The following ADK variants were observed in gnomAD, a reference collection of about 807,000 sequenced individuals.
ADK encodes adenosine kinase.
A neutral mutation model predicts 44.7 loss-of-function variants in ADK; 24 were observed. That is an observed-to-expected ratio of 0.54 (90% CI 0.39 to 0.76). The LOEUF (loss-of-function observed/expected upper bound fraction) is 0.76, where lower values mean the gene tolerates loss of function less well. ADK is among the 30% of genes least tolerant of loss of function. ADK has a pLI of 0.00. For missense variants in ADK, 321 were observed against 425.1 expected (o/e 0.76, Z 2.15); for synonymous variants, 128 against 142.6 (o/e 0.90, Z 0.73).
chr10:74,622,709 G>A (rs984337946), intron 9 of ADK, among the ~76,000 whole-genome samples: 1 of 152,082 alleles, frequency 6.6e-6, no homozygotes, highest in Non-Finnish European at 1.5e-5. Flanking sequence ...AAAGCAGCTA[G>A]ATTAGAACCC....
chr10:74,551,623 G>C (rs1259569340), intron 7 of ADK: 1 of 152,132 alleles, frequency 6.6e-6, no homozygotes, highest in African/African-American at 2.4e-5. Context: ...TCAGCACAGA[G>C]GACTAGTGGA....
At chr10:74,211,001 CAGTCTCCTG>C (rs1486377351) in intron 2 of ADK, among the ~76,000 whole-genome samples, 7 of 152,130 alleles carry the variant, frequency 4.6e-5, no homozygotes, top group African/African-American at 1.7e-4. Flanking sequence ...TCTTATGCCT[CAGTCTCCTG>C]AGTAGCTGAG....
rs143402389 is a variant in ADK, at chr10:74,358,315, A to G, written c.274-35826A>G. On this transcript the variant is annotated intron_variant, in intron 4 of 10. Transcript: ENST00000539909. ...TAACCTTGTGGAACTTTTAAGGGAA[A>G]TGCATTAACTTAGCATTAATATAGA... Among the ~76,000 whole-genome samples the G allele has an allele frequency of 5.2e-3, 792 of 152,358 alleles. 5 individuals are homozygous for G. The highest frequency in any genetic ancestry group is 0.018 in the African/African-American group (748 of 41,592).
intron 3 of ADK, among the ~76,000 whole-genome samples, chr10:74,296,523 T>G (rs191243876): frequency 1.8e-4 from 28 of 152,264 alleles, no homozygotes; most frequent in African/African-American, 6.0e-4. Flanking sequence ...AATAGGCGCT[T>G]TCATAAGCTA....
chr10:74,586,613 G>C (rs1179772718), intron 7 of ADK, among the ~76,000 whole-genome samples: 2 of 152,026 alleles, frequency 1.3e-5, no homozygotes, highest in African/African-American at 2.4e-5. Context: ...CAGAACTTTG[G>C]AAGGCCAAGG....
chr10:74,188,644 G>T (rs558764697), intron 1 of ADK, among the ~76,000 whole-genome samples: 1 of 151,950 alleles, frequency 6.6e-6, no homozygotes, highest in African/African-American at 2.4e-5. Context: ...GAGCCACTGC[G>T]CCCGGCCACC....
intron 1 of ADK, among the ~76,000 whole-genome samples, chr10:74,161,510 A>G (rs1839061995): frequency 6.6e-6 from 1 of 151,660 alleles, no homozygotes. Flanking sequence ...CGCCTGGCCT[A>G]TTTATTTTAA....
chr10:74,394,684 CGAGAGAGA>C (rs368668478), intron 5 of ADK, among the ~76,000 whole-genome samples: 1 of 151,648 alleles, frequency 6.6e-6, no homozygotes, highest in South Asian at 2.1e-4. Context: ...GGTTGGAATA[CGAGAGAGA>C]GAGACAGAGA....
rs530463752 is a variant in ADK, at chr10:74,151,245, G to T, written c.-34G>T. On this transcript the variant is annotated 5_prime_UTR_variant, in exon 1 of 11. Transcript: ENST00000539909. The stretch of plus-strand genomic sequence containing the variant: ...GACCAGAGAGTGGATGGCAGAGGTG[G>T]GCTGTAGAGCCAAAGTGGGGTGGGA... 59 of 1,549,336 alleles carry T rather than the reference G, an allele frequency of 3.8e-5. 1 individual carries two copies. The East Asian group carries it at 6.1e-4, about 16-fold the overall frequency.
intron 6 of ADK, among the ~76,000 whole-genome samples, chr10:74,400,944 G>T (rs1843684955): frequency 6.6e-6 from 1 of 152,060 alleles, no homozygotes; most frequent in Admixed American, 6.5e-5. Flanking sequence ...GTTCACACTG[G>T]AAACCTTCCT....
intron 6 of ADK, among the ~76,000 whole-genome samples, chr10:74,459,727 C>CAAA (rs986375076): frequency 3.6e-3 from 134 of 37,728 alleles, no homozygotes; most frequent in Middle Eastern, 0.013. Context: ...GACTCCATCT[C>CAAA]AAAAAAAAAA....
Position 74,307,590 on chromosome 10 carries a change from G to A in ADK, c.195-7077G>A, listed in dbSNP as rs535012315. Among the ~76,000 whole-genome samples the A allele has an allele frequency of 7.9e-5, 12 of 152,232 alleles. No individual in the cohort carries two copies. The South Asian group carries it at 1.0e-3, about 13-fold the overall frequency. On this transcript the variant is annotated intron_variant, in intron 3 of 10. Transcript: ENST00000539909. ...GATGCAGTATATGCTACCCAGAATC[G>A]GAAGTTCCATATATTATGTTTTGAT...
intron 10 of ADK, among the ~76,000 whole-genome samples, chr10:74,698,483 G>A (rs542592754): frequency 6.6e-6 from 1 of 152,322 alleles, no homozygotes; most frequent in Admixed American, 6.5e-5. Context: ...TTCAAAGTCA[G>A]TTATTTAATA....
chr10:74,334,036 G>A (rs929733705), intron 4 of ADK, among the ~76,000 whole-genome samples: 2 of 151,958 alleles, frequency 1.3e-5, no homozygotes, highest in Non-Finnish European at 2.9e-5. Flanking sequence ...ATACAAAAAA[G>A]TGATCTTTGT....
chr10:74,555,573 T>C lies in ADK; in HGVS notation c.726+30147T>C, dbSNP rs187670481. Among the ~76,000 whole-genome samples, 14 of 150,596 alleles carry C rather than the reference T, an allele frequency of 9.3e-5. No homozygotes were observed. In the East Asian group the frequency reaches 2.7e-3, roughly 29 times the overall value. ...CTGCAGTGATCTATGATCATCCCAT[T>C]GCACTCTAGCCTGGGATACAGAGCA... On this transcript the variant is annotated intron_variant, in intron 7 of 10. Coordinates refer to ENST00000539909, the MANE Select transcript of ADK (RefSeq NM_006721.4).
chr10:74,666,936 T>C (rs1293616229), intron 9 of ADK, among the ~76,000 whole-genome samples: 6 of 151,762 alleles, frequency 4.0e-5, no homozygotes, highest in Non-Finnish European at 8.8e-5. Context: ...ATTCAAGTGA[T>C]TCTCGTGCCT....
intron 7 of ADK, among the ~76,000 whole-genome samples, chr10:74,531,033 C>A (rs1197787855): frequency 2.0e-5 from 3 of 152,032 alleles, no homozygotes; most frequent in Admixed American, 6.6e-5. Context: ...GTTAAAAGTA[C>A]CAGAGAAGAA....
chr10:74,641,704 G>T (rs1241358014), intron 9 of ADK: 1 of 152,186 alleles, frequency 6.6e-6, no homozygotes, highest in Non-Finnish European at 1.5e-5. Flanking sequence ...AAATATTCTT[G>T]TTGGCCAGCT....
intron 1 of ADK, among the ~76,000 whole-genome samples, chr10:74,180,082 ACT>A (rs1354168386): frequency 6.6e-6 from 1 of 151,902 alleles, no homozygotes; most frequent in East Asian, 1.9e-4. Context: ...GTAGTATGTG[ACT>A]CTTTTCATAG....
Sources: gnomAD v4.1 joint callset for allele counts (sites outside exome capture counted in the v4.1 genomes callset) on GRCh38, gnomAD v4.1.1 for gene constraint, MANE v1.5 for transcripts, NCBI Gene and HGNC (gene_info 2026-07-23, HGNC 2026-07-21) for gene names.